Variants in HECTD3 observed in about 807,000 individuals in gnomAD.
HECTD3 encodes E3 ubiquitin-protein ligase HECTD3.
In HECTD3, 72 loss-of-function variants were observed where a neutral mutation model predicts 109.3. The ratio of observed to expected loss-of-function variants is 0.66; its 90% CI spans 0.54 to 0.80. The LOEUF is 0.80. Among genes scored for constraint, HECTD3 ranks in the 30% least tolerant of loss-of-function variants. The pLI is 0.00. For missense variants in HECTD3, 1,041 were observed against 1,165.2 expected, an observed-to-expected ratio of 0.89 and a Z score of 1.55; for synonymous variants, 481 against 471.8, an observed-to-expected ratio of 1.02 and a Z score of -0.25.
rs142802430 is a variant in HECTD3, at chr1:45,003,101, A to C, written c.*391T>G. The C allele has an allele frequency of 2.1e-3, 431 of 206,676 alleles. 3 individuals carry two copies. Among genetic ancestry groups the C allele is most frequent in the South Asian group, 7.4e-3 (80 of 10,806 alleles). The allele number at this position is 206,676 out of a possible 1,614,324, so 12.8% of individuals were successfully genotyped here. On this transcript the variant is annotated 3_prime_UTR_variant, in exon 21 of 21. Transcript: ENST00000372172. The surrounding 1 kb of genome is among the most constrained non-coding windows in gnomAD (Gnocchi z 4.7). ...CCAGTGTTTTATGTTTTTAGTTGTG[A>C]GTCATGGCTGAAGAAAGCCAGAGAG...
chr1:45,007,661 T>C (rs1388498904), intron 9 of HECTD3, 66 bp from the exon 10 acceptor site: 4 of 1,351,192 alleles, frequency 3.0e-6, no homozygotes, highest in East Asian at 4.7e-5. Context: ...GCCCTGGAAC[T>C]TTCCCCTCTG....
rs1644791070 is a variant in HECTD3, at chr1:45,011,240, C to T, written c.18G>A (p.Pro6=). 1 of 1,366,318 alleles carries T rather than the reference C, an allele frequency of 7.3e-7. No individual in the cohort carries two copies. Among genetic ancestry groups the T allele is most frequent in the Non-Finnish European group, 9.4e-7 (1 of 1,066,440 alleles). The allele number at this position is 1,366,318 out of a possible 1,614,324, so 84.6% of individuals were successfully genotyped here. The part of the protein sequence containing the change: MAGPG[P]GAVLESPRQL... ...GCCGGGGGGACTCCAGCACCGCGCC[C>T]GGGCCAGGACCCGCCATGGCGAAGT... is the stretch of plus-strand genomic sequence containing the variant. The change falls in exon 1 of 21, where the codon CCG becomes CCA. Residue 6 remains proline, a synonymous_variant. Coordinates refer to ENST00000372172, the MANE Select transcript of HECTD3 (RefSeq NM_024602.6).
intron 15 of HECTD3, 160 bp from the exon 16 acceptor site, chr1:45,004,966 A>C (rs1644721733): frequency 1.5e-6 from 1 of 675,452 alleles, no homozygotes; most frequent in Non-Finnish European, 2.6e-6. Context: ...TAAAAGCATC[A>C]AGACAACACC....
Position 45,009,392 on chromosome 1 carries a change from C to G in HECTD3, c.966G>C (p.Lys322Asn). The G allele has an allele frequency of 3.1e-6, 5 of 1,613,824 alleles. No homozygotes were observed. The highest frequency in any genetic ancestry group is 3.4e-6 in the Non-Finnish European group (4 of 1,179,732). ...ACTCGTCAATGCTCACGTCACTCAG[C>G]TTCTTCAGGTTGTCCCCTTCACCCC... ...VYGGEGDNLKKLSDVSIDETL... is the reference protein window; with the variant it reads ...VYGGEGDNLKNLSDVSIDETL... Residue 322 changes from lysine (K) to asparagine (N), a missense_variant, in exon 6 of 21, where the codon AAG (lysine) becomes AAC (asparagine). By Grantham distance (94) the Lys-to-Asn change is moderately conservative (BLOSUM62 0). This residue lies in a region of HECTD3 where 472 missense variants were observed against 449.9 expected (regional missense o/e 1.05). Coordinates refer to ENST00000372172, the MANE Select transcript of HECTD3 (RefSeq NM_024602.6).
At position 45,011,208 on chromosome 1, in the gene HECTD3, A is replaced by G; in HGVS notation, c.50T>C (p.Leu17Pro). The G allele has an allele frequency of 2.8e-6, 4 of 1,439,122 alleles. No individual in the cohort carries two copies. Among genetic ancestry groups the G allele is most frequent in the Admixed American group, 2.8e-5 (1 of 35,232 alleles). The allele number at this position is 1,439,122 out of a possible 1,614,324, so 89.1% of individuals were successfully genotyped here. A position where few individuals can be genotyped will look rare whatever the true frequency, so the allele number is the denominator to read the frequency against. Residue 17 changes from leucine to proline, a missense_variant, in exon 1 of 21, where the codon CTG becomes CCG. This residue lies in a region of HECTD3 where 472 missense variants were observed against 449.9 expected (regional missense o/e 1.05). Coordinates refer to ENST00000372172, the MANE Select transcript of HECTD3 (RefSeq NM_024602.6). ...CTCTGCCAAGAAGCGCACGCGGCCCAGCAGCTGCCGGGGGGACTCCAGCAC... is the reference window on the plus strand; with the variant it reads ...CTCTGCCAAGAAGCGCACGCGGCCCGGCAGCTGCCGGGGGGACTCCAGCAC... The part of the protein sequence containing the change: ...GAVLESPRQL[L>P]GRVRFLAEAA...
intron 9 of HECTD3, 44 bp from the exon 10 acceptor site, chr1:45,007,639 G>C: frequency 6.4e-7 from 1 of 1,551,358 alleles, no homozygotes. Context: ...TGGGCAGTCA[G>C]CCTCCGTCCA....
intron 11 of HECTD3, 86 bp downstream of exon 11, chr1:45,007,125 GTTGTGTGT>G (rs752913686): frequency 2.9e-6 from 4 of 1,380,794 alleles, no homozygotes; most frequent in Non-Finnish European, 2.9e-6. Flanking sequence ...GCCTCGAGCA[GTTGTGTGT>G]GTGTGTGTGT....
At position 45,004,307 on chromosome 1, in the gene HECTD3, T is replaced by C; in HGVS notation, c.2213A>G (p.Glu738Gly). Reference protein sequence around the residue: ...QAVLDLLTWQELEKKVCGDPE... With the variant: ...QAVLDLLTWQGLEKKVCGDPE... Reference sequence around the variant, plus strand: ...ATCCCCACACACTTTCTTCTCCAACTCTTGCCAGGTCAGCAAGTCCAGCAC... The same window carrying C: ...ATCCCCACACACTTTCTTCTCCAACCCTTGCCAGGTCAGCAAGTCCAGCAC... The change falls in exon 17 of 21, where the codon GAG becomes GGG. Residue 738 changes from glutamate (E) to glycine (G), a missense_variant. Physicochemically the swap from Glu to Gly is moderately conservative, Grantham distance 98. Transcript: ENST00000372172. The C allele has an allele frequency of 6.2e-7, 1 of 1,614,002 alleles. No individual in the cohort carries two copies. The highest frequency in any genetic ancestry group is 2.2e-5 in the East Asian group (1 of 44,878).
In HECTD3 at chr1:45,003,723, G is replaced by A. The variant is rs200632297; in HGVS notation, c.2447C>T (p.Ala816Val). The A allele has an allele frequency of 2.8e-4, 456 of 1,614,058 alleles. 3 individuals carry two copies. The highest frequency in any genetic ancestry group is 1.6e-4 in the Middle Eastern group (1 of 6,062). ...GGAGCAAGTGGAAGACTCGGGCAGC[G>A]CGTCTGTGGTCTCGTAGCTGGGGGC... ...PDKLGYETTD[A>V]LPESSTCSST... The change falls in exon 20 of 21, where the codon GCG (alanine) becomes GTG (valine). Residue 816 changes from alanine to valine, a missense_variant. By Grantham distance (64) the Ala-to-Val change is moderately conservative. Coordinates refer to ENST00000372172, the MANE Select transcript of HECTD3 (RefSeq NM_024602.6). This position sits in a 1 kb window ranked among gnomAD's most constrained non-coding sequence, Gnocchi z 4.7.
rs1040561745 is a variant in HECTD3, at chr1:45,006,219, T to C, written c.1726-103A>G. ...TCCACTGGGAACATTTTCCACTAAA[T>C]GATCCCTTCAAATGCACAGTGGCTC... is the stretch of plus-strand genomic sequence containing the variant. On this transcript the variant is annotated intron_variant, in intron 13 of 20. Transcript: ENST00000372172. The surrounding 1 kb of genome is among the most constrained non-coding windows in gnomAD (Gnocchi z 4.7). 3.4e-6 allele frequency: 5 copies of C among 1,482,930 alleles called. No homozygotes were observed. In the Admixed American group the frequency reaches 5.4e-5, roughly 16 times the overall value. 91.9% of individuals were successfully genotyped at this position (1,482,930 alleles called of 1,614,324 possible).
At position 45,003,701 on chromosome 1, in the gene HECTD3, G is replaced by T; in HGVS notation, c.2469C>A (p.Cys823Ter). 1.9e-6 allele frequency: 3 copies of T among 1,614,130 alleles called. No individual in the cohort carries two copies. The highest frequency in any genetic ancestry group is 2.5e-6 in the Non-Finnish European group (3 of 1,180,010). ...AGTGTGGCAGGAAGAGGGTGCTGGA[G>T]CAAGTGGAAGACTCGGGCAGCGCGT... The part of the protein sequence containing the change: ...TTDALPESST[C>*]SSTLFLPHYA... The change falls in exon 20 of 21, where the codon TGC becomes TGA. Residue 823 changes from cysteine (C) to a stop codon, truncating the protein, a stop_gained. Coordinates refer to ENST00000372172, the MANE Select transcript of HECTD3 (RefSeq NM_024602.6). LOFTEE classifies it high-confidence loss of function. The surrounding 1 kb of genome is among the most constrained non-coding windows in gnomAD (Gnocchi z 4.7).
chr1:45,010,184 C>T lies in HECTD3; in HGVS notation c.623+17G>A, dbSNP rs1557730496. 6.2e-7 allele frequency: 1 copy of T among 1,614,002 alleles called. No homozygotes were observed. The highest frequency in any genetic ancestry group is 8.5e-7 in the Non-Finnish European group (1 of 1,179,996). On this transcript the variant is annotated intron_variant, in intron 3 of 20. Transcript: ENST00000372172. ...ACGCAGAGCTCCTTCCTCCCCACCCCATTCCAGCTCACTCACAGTAGCCTT... is the reference window on the plus strand; with the variant it reads ...ACGCAGAGCTCCTTCCTCCCCACCCTATTCCAGCTCACTCACAGTAGCCTT...
intron 1 of HECTD3, 48 bp from the exon 2 acceptor site, chr1:45,010,754 C>T: frequency 2.0e-6 from 3 of 1,521,892 alleles, no homozygotes; most frequent in Non-Finnish European, 2.6e-6. Flanking sequence ...ACTGCCCAGC[C>T]GCCTGTCGTG....
At position 45,010,716 on chromosome 1, in the gene HECTD3, C is replaced by T. The variant is rs1337577509; in HGVS notation, c.370-10G>A. The T allele has an allele frequency of 3.9e-6, 6 of 1,539,410 alleles. No homozygotes were observed. Among genetic ancestry groups the T allele is most frequent in the East Asian group, 2.4e-5 (1 of 42,296 alleles). ...GCTCTGCCAGCTGCTCCTGCCGGGA[C>T]GCGTAGGATGGGGACAGCCGTCAGG... On this transcript the variant is annotated splice_polypyrimidine_tract_variant and intron_variant, in intron 1 of 20. Transcript: ENST00000372172.
At chr1:45,007,062 G>A (rs1376155509) in intron 11 of HECTD3, 47 bp from the exon 12 acceptor site, 8 of 1,605,070 alleles carry the variant, frequency 5.0e-6, no homozygotes, top group Non-Finnish European at 6.8e-6. Context: ...GCCAGGTGCA[G>A]CACAATTCAT....
chr1:45,004,041 C>T lies in HECTD3; in HGVS notation c.2347+19G>A. 6.2e-7 allele frequency: 1 copy of T among 1,613,954 alleles called. No homozygotes were observed. The highest frequency in any genetic ancestry group is 8.5e-7 in the Non-Finnish European group (1 of 1,179,910). Reference sequence around the variant, plus strand: ...AGCAGAGTCCAAACCCAGGTGTCACCCTGCCCTCCTCCACTGACCGTTGGT... The same window carrying T: ...AGCAGAGTCCAAACCCAGGTGTCACTCTGCCCTCCTCCACTGACCGTTGGT... On this transcript the variant is annotated intron_variant, in intron 18 of 20. Transcript: ENST00000372172.
intron 11 of HECTD3, 83 bp downstream of exon 11, chr1:45,007,126 TTGTGTGTGTG>T (rs56343463): frequency 0.02 from 23,081 of 1,162,722 alleles, 36 homozygotes; most frequent in African/African-American, 0.046. Flanking sequence ...CCTCGAGCAG[TTGTGTGTGTG>T]TGTGTGTGTG....
At chr1:45,009,748 G>C in intron 4 of HECTD3, 65 bp from the exon 5 acceptor site, 2 of 1,314,814 alleles carry the variant, frequency 1.5e-6, no homozygotes, top group East Asian at 2.3e-5. Context: ...CTTGTGCTCT[G>C]GGCCAGGAGC....
chr1:45,008,434 G>A, intron 8 of HECTD3, 102 bp downstream of exon 8: 1 of 1,499,322 alleles, frequency 6.7e-7, no homozygotes, highest in Non-Finnish European at 9.3e-7. Context: ...TCTGACCCTT[G>A]AACAGCTTAT....
Sources: gnomAD v4.1 joint callset for allele counts on GRCh38, gnomAD v4.1.1 for gene constraint, gnomAD v4.1.1 regional missense constraint, Gnocchi (gnomAD v3.1) non-coding constraint, MANE v1.5 for transcripts, NCBI Gene and HGNC (gene_info 2026-07-23, HGNC 2026-07-21) for gene names.